Variants in ZNF541 observed in about 807,000 individuals in gnomAD.
ZNF541 encodes the protein zinc finger protein 541.
In ZNF541, 23 loss-of-function variants were observed where a neutral mutation model predicts 123.5. That is an observed-to-expected ratio of 0.19 (90% confidence interval 0.13 to 0.26). The LOEUF is 0.26. Ranked by LOEUF, ZNF541 falls within the 10% of genes least tolerant of loss-of-function variation. The pLI, the probability that ZNF541 is intolerant of heterozygous loss-of-function variation, is 1.00. For synonymous variants in ZNF541, 751 were observed against 754.5 expected, an observed-to-expected ratio of 1.00 and a Z score of 0.08; for missense variants, 1,612 against 1,789.9, an observed-to-expected ratio of 0.90 and a Z score of 1.79.
At chr19:47,557,063 T>C (rs912472155) in intron 2 of ZNF541, among the ~76,000 whole-genome samples, 21 of 152,174 alleles carry the variant, frequency 1.4e-4, no homozygotes, top group African/African-American at 4.8e-4. Context: ...CAGCCTGGAA[T>C]GGTAATATTT....
intron 2 of ZNF541, among the ~76,000 whole-genome samples, chr19:47,563,662 A>G (rs1296449799): frequency 1.3e-5 from 2 of 152,168 alleles, no homozygotes; most frequent in Non-Finnish European, 2.9e-5. Flanking sequence ...GCTAGAGTGC[A>G]GTGGTGCAAT....
chr19:47,552,742 C>CA (rs573248609), intron 3 of ZNF541, among the ~76,000 whole-genome samples: 15,956 of 25,934 alleles, frequency 0.62, 7,486 homozygotes, highest in Non-Finnish European at 0.89. Flanking sequence ...GACTCCATCT[C>CA]AAAAAAAAAA....
At position 47,540,495 on chromosome 19, in the gene ZNF541, G is replaced by A. The variant is rs564215143; in HGVS notation, c.2463-160C>T. ...CACTCTGTTGCCCAGACTGGAGTGC[G>A]GTGGCACCATCTCGGCTCACTGTAA... On this transcript the variant is annotated intron_variant, in intron 6 of 16. Coordinates refer to ENST00000391901, the MANE Select transcript of ZNF541 (RefSeq NM_001277075.3). Among the ~76,000 whole-genome samples the A allele has an allele frequency of 2.0e-3, 296 of 150,850 alleles. 1 individual carries two copies. The highest frequency in any genetic ancestry group is 6.8e-3 in the African/African-American group (279 of 40,994).
chr19:47,525,545 C>A (rs1969247226), intron 14 of ZNF541, among the ~76,000 whole-genome samples: 1 of 152,138 alleles, frequency 6.6e-6, no homozygotes, highest in Non-Finnish European at 1.5e-5. Flanking sequence ...TGAACTTTAA[C>A]TCATACTTTA....
In ZNF541 at chr19:47,544,569, C is replaced by G; in HGVS notation, c.1960G>C (p.Ala654Pro). ...RRDAKGGLKV[A>P]AVPTPLAAPS... is the part of the protein sequence containing the mutation. ...GCTGCAAGGGGCGTTGGAACCGCGGCCACTTTCAGTCCCCCCTTTGCGTCT... is the reference window on the plus strand; with the variant it reads ...GCTGCAAGGGGCGTTGGAACCGCGGGCACTTTCAGTCCCCCCTTTGCGTCT... The change falls in exon 5 of 17, where the codon GCC (alanine) becomes CCC (proline). Residue 654 changes from alanine to proline, a missense_variant. Ala to Pro is a conservative substitution (Grantham distance 27). Coordinates refer to ENST00000391901, the MANE Select transcript of ZNF541 (RefSeq NM_001277075.3). 1 of 1,551,442 alleles carries G rather than the reference C, an allele frequency of 6.4e-7. No individual in the cohort carries two copies.
rs1483180033 is a variant in ZNF541, at chr19:47,521,923, A to G, written c.3642T>C (p.Cys1214=). 1 of 1,551,682 alleles carries G rather than the reference A, an allele frequency of 6.4e-7. No individual in the cohort carries two copies. Among genetic ancestry groups the G allele is most frequent in the African/African-American group, 1.4e-5 (1 of 73,000 alleles). Residue 1214 remains cysteine, a synonymous_variant, in exon 15 of 17, where the codon TGT becomes TGC. Transcript: ENST00000391901. This position sits in a 1 kb window ranked among gnomAD's most constrained non-coding sequence, Gnocchi z 4.2. Reference sequence around the variant, plus strand: ...TCTTTTCTAGCCCTGGGGCTCGGCCACAGTCAAACTTGATCATTTTTTTCC... The same window carrying G: ...TCTTTTCTAGCCCTGGGGCTCGGCCGCAGTCAAACTTGATCATTTTTTTCC... ...YIWKKMIKFD[C]GRAPGLEKRV... is the part of the protein sequence containing the mutation.
In ZNF541 at chr19:47,570,356, T is replaced by A. The variant is rs141613658; in HGVS notation, c.-99+1540A>T. On this transcript the variant is annotated intron_variant, in intron 2 of 16. Coordinates refer to ENST00000391901, the MANE Select transcript of ZNF541 (RefSeq NM_001277075.3). ...ACTTTGGGAGGCTGACGCAGGCAGA[T>A]CACTGGAGGCCAGGAGTTTGAGACC... Among the ~76,000 whole-genome samples the A allele has an allele frequency of 2.8e-3, 422 of 151,734 alleles. 1 individual carries two copies. Among genetic ancestry groups the A allele is most frequent in the African/African-American group, 9.8e-3 (405 of 41,390 alleles).
chr19:47,526,481 C>CAAAAAAAAAA (rs71180847), intron 14 of ZNF541, among the ~76,000 whole-genome samples: 1 of 34,976 alleles, frequency 2.9e-5, no homozygotes, highest in East Asian at 7.5e-4. Context: ...GACTCCATCT[C>CAAAAAAAAAA]AAAAAAAAAA....
Position 47,544,345 on chromosome 19 carries a change from G to C in ZNF541, c.2184C>G (p.Ile728Met), listed in dbSNP as rs572224958. 6.4e-7 allele frequency: 1 copy of C among 1,551,544 alleles called. No homozygotes were observed. The highest frequency in any genetic ancestry group is 2.4e-5 in the East Asian group (1 of 40,932). ...AGGCTGGGCCCTTTTCACCTTTTGT[G>C]ATCCTTGAAGCCGCGCCATTCTCGG... ...APAENGAASRITKGEKGPACS... is the reference protein window; with the variant it reads ...APAENGAASRMTKGEKGPACS... The change falls in exon 5 of 17, where the codon ATC (isoleucine) becomes ATG (methionine). Residue 728 changes from isoleucine to methionine, a missense_variant. Transcript: ENST00000391901.
At chr19:47,548,275 T>A (rs1169824191) in intron 4 of ZNF541, among the ~76,000 whole-genome samples, 1 of 150,942 alleles carries the variant, frequency 6.6e-6, no homozygotes, top group African/African-American at 2.4e-5. Flanking sequence ...AAACCCCATC[T>A]CTACTAAAAA....
chr19:47,549,093 G>A (rs1275959682), intron 4 of ZNF541, among the ~76,000 whole-genome samples, 152 bp downstream of exon 4: 1 of 150,448 alleles, frequency 6.6e-6, no homozygotes, highest in Admixed American at 6.7e-5. Flanking sequence ...TGGAGTGGCT[G>A]TGGCTGCGGC....
intron 5 of ZNF541, among the ~76,000 whole-genome samples, chr19:47,542,635 G>C (rs1369500190): frequency 5.9e-5 from 9 of 152,014 alleles, no homozygotes; most frequent in African/African-American, 2.2e-4. Context: ...CTGGGCAACA[G>C]AGTGAGAGAC....
intron 2 of ZNF541, among the ~76,000 whole-genome samples, chr19:47,559,568 A>C (rs1970977164): frequency 6.6e-6 from 1 of 151,574 alleles, no homozygotes; most frequent in Non-Finnish European, 1.5e-5. Flanking sequence ...GGTGACTTTG[A>C]TGTTTGATTA....
Position 47,523,319 on chromosome 19 carries a change from C to T in ZNF541, c.3571-1325G>A, listed in dbSNP as rs1447153790. 1.1e-4 allele frequency among the ~76,000 whole-genome samples: 16 copies of T among 145,670 alleles called. 1 individual carries two copies. Among genetic ancestry groups the T allele is most frequent in the South Asian group, 4.3e-4 (2 of 4,652 alleles). ...CTGGCATTACAGGCGTGAGCCACCGCGCCCGGCGAGCGTCTCTTTTAAAAA... is the reference window on the plus strand; with the variant it reads ...CTGGCATTACAGGCGTGAGCCACCGTGCCCGGCGAGCGTCTCTTTTAAAAA... On this transcript the variant is annotated intron_variant, in intron 14 of 16. Coordinates refer to ENST00000391901, the MANE Select transcript of ZNF541 (RefSeq NM_001277075.3).
At chr19:47,536,809 A>T (rs1423450230) in intron 9 of ZNF541, among the ~76,000 whole-genome samples, 1 of 152,186 alleles carries the variant, frequency 6.6e-6, no homozygotes, top group African/African-American at 2.4e-5. Context: ...AGCATTATTC[A>T]TAATAGCCCA....
At chr19:47,531,129 C>G (rs1969546702) in intron 12 of ZNF541, among the ~76,000 whole-genome samples, 1 of 150,662 alleles carries the variant, frequency 6.6e-6, no homozygotes, top group African/African-American at 2.4e-5. Context: ...AAAGCAAGAC[C>G]ATGGCATGAC....
At position 47,545,838 on chromosome 19, in the gene ZNF541, G is replaced by A. The variant is rs1480011052; in HGVS notation, c.691C>T (p.Pro231Ser). The change falls in exon 5 of 17, where the codon CCG becomes TCG. Residue 231 changes from proline to serine, a missense_variant. Around this residue, in one of 5 missense-constraint regions of ZNF541, gnomAD observed 1,080 missense variants for 1,013.8 expected, o/e 1.07. Transcript: ENST00000391901. This position sits in a 1 kb window ranked among gnomAD's most constrained non-coding sequence, Gnocchi z 7.5. ...GAGTCCCCGCAGGCCTCTTCCTCCGGGGGGGCTTCCTTCAGGATGCACAGG... is the reference window on the plus strand; with the variant it reads ...GAGTCCCCGCAGGCCTCTTCCTCCGAGGGGGCTTCCTTCAGGATGCACAGG... Reference protein sequence around the residue: ...HGLCILKEAPPEEEACGDSPH... With the variant: ...HGLCILKEAPSEEEACGDSPH... 1.3e-6 allele frequency: 2 copies of A among 1,549,038 alleles called. No individual in the cohort carries two copies. The highest frequency in any genetic ancestry group is 1.7e-6 in the Non-Finnish European group (2 of 1,146,306).
In ZNF541 at chr19:47,521,709, G is replaced by A. The variant is rs1969039683; in HGVS notation, c.3712-55C>T. On this transcript the variant is annotated intron_variant, in intron 15 of 16. Coordinates refer to ENST00000391901, the MANE Select transcript of ZNF541 (RefSeq NM_001277075.3). The surrounding 1 kb of genome is among the most constrained non-coding windows in gnomAD (Gnocchi z 4.2). ...TGCTGACCTGTCCTGCTGTAAGAGA[G>A]ACACAGAGCTGGGGGCATACGTGTC... The A allele has an allele frequency of 2.6e-6, 4 of 1,538,154 alleles. No individual in the cohort carries two copies. The highest frequency in any genetic ancestry group is 3.5e-6 in the Non-Finnish European group (4 of 1,138,362).
intron 14 of ZNF541, among the ~76,000 whole-genome samples, chr19:47,523,202 G>A (rs1190959208): frequency 6.9e-6 from 1 of 144,658 alleles, no homozygotes; most frequent in Non-Finnish European, 1.5e-5. Context: ...CTATTTTTTT[G>A]TGTTTTTAGT....
Sources: gnomAD v4.1 joint callset for allele counts (sites outside exome capture counted in the v4.1 genomes callset) on GRCh38, gnomAD v4.1.1 for gene constraint, gnomAD v4.1.1 regional missense constraint, Gnocchi (gnomAD v3.1) non-coding constraint, MANE v1.5 for transcripts, NCBI Gene and HGNC (gene_info 2026-07-23, HGNC 2026-07-21) for gene names.